The following WIPI1 variants were observed in gnomAD, a reference collection of about 807,000 sequenced individuals.
WIPI1 encodes the protein WD repeat domain phosphoinositide-interacting protein 1.
Under a neutral mutation model 55.3 loss-of-function variants are expected in WIPI1, and 45 were observed. The observed-to-expected ratio is 0.81, with a 90% confidence interval of 0.64 to 1.04. The LOEUF (loss-of-function observed/expected upper bound fraction) is 1.04, where lower values mean the gene tolerates loss of function less well. WIPI1 is among the 50% of genes least tolerant of loss of function. The probability of loss-of-function intolerance (pLI) is 0.00; values close to 1 mark genes in which losing one functional copy is unlikely to be tolerated. For missense variants in WIPI1, 445 were observed against 559.0 expected, an observed-to-expected ratio of 0.80 and a Z score of 2.06; for synonymous variants, 195 against 217.6, an observed-to-expected ratio of 0.90 and a Z score of 0.92.
At chr17:68,422,045 G>C (rs758512133) in intron 12 of WIPI1, 71 of 546,014 alleles carry the variant, frequency 1.3e-4, no homozygotes, top group African/African-American at 7.0e-4. Flanking sequence ...AAATGTCTCT[G>C]TGTGTGTGTG....
In WIPI1 at chr17:68,421,668, C is replaced by A. The variant is rs968669098; in HGVS notation, c.*105G>T. Reference sequence around the variant, plus strand: ...AGCAGTGGAGCACCCGGGATTCCTGCCCCCCTTTCTGCTCACACAATTGCA... The same window carrying A: ...AGCAGTGGAGCACCCGGGATTCCTGACCCCCTTTCTGCTCACACAATTGCA... On this transcript the variant is annotated 3_prime_UTR_variant, in exon 13 of 13. Coordinates refer to ENST00000262139, the MANE Select transcript of WIPI1 (RefSeq NM_017983.7). 6.6e-7 allele frequency: 1 copy of A among 1,513,050 alleles called. No homozygotes were observed. The allele number at this position is 1,513,050 out of a possible 1,614,324, so 93.7% of individuals were successfully genotyped here. A position where few individuals can be genotyped will look rare whatever the true frequency, so the allele number is the denominator to read the frequency against.
Position 68,454,333 on chromosome 17 carries a change from C to A in WIPI1, c.81-1341G>T, listed in dbSNP as rs73359927. Among the ~76,000 whole-genome samples, 1,261 of 152,306 alleles carry A rather than the reference C, an allele frequency of 8.3e-3. 20 individuals are homozygous for A. The highest frequency in any genetic ancestry group is 0.026 in the African/African-American group (1,101 of 41,556). ...ACAGGGAAGCATATACTAAAATAAG[C>A]AACTTACTATTACAAGCCTGGATGG... On this transcript the variant is annotated intron_variant, in intron 1 of 12. Transcript: ENST00000262139.
At chr17:68,453,480 T>G (rs1047858190) in intron 1 of WIPI1, among the ~76,000 whole-genome samples, 2 of 124,088 alleles carry the variant, frequency 1.6e-5, no homozygotes, top group Admixed American at 1.5e-4. Context: ...TTTCTTTTCC[T>G]TTTTTTTTTT....
In WIPI1 at chr17:68,452,909, C is replaced by G. The variant is rs1224964648; in HGVS notation, c.163+1G>C. The G allele has an allele frequency of 6.2e-7, 1 of 1,613,624 alleles. No homozygotes were observed. The highest frequency in any genetic ancestry group is 1.7e-5 in the Admixed American group (1 of 60,018). On this transcript the variant is annotated splice_donor_variant, in intron 2 of 12. Transcript: ENST00000262139. LOFTEE classifies it high-confidence loss of function. ...CTGAGGTCTCTCTCACACACACTTA[C>G]TGCTTCCGTGGACTTGATCCAGCTG...
chr17:68,441,658 T>G (rs549039985), intron 4 of WIPI1, among the ~76,000 whole-genome samples: 1 of 152,310 alleles, frequency 6.6e-6, no homozygotes, highest in African/African-American at 2.4e-5. Context: ...CAGAGAGGGC[T>G]GCGGAGTGAG....
chr17:68,427,927 T>C (rs752709361), intron 10 of WIPI1, among the ~76,000 whole-genome samples: 6 of 152,202 alleles, frequency 3.9e-5, no homozygotes, highest in Non-Finnish European at 8.8e-5. Flanking sequence ...TCTCACTCTG[T>C]TGCCCAGGCT....
At chr17:68,433,315 G>A (rs2083608446) in intron 8 of WIPI1, 153 bp downstream of exon 8, 2 of 716,520 alleles carry the variant, frequency 2.8e-6, no homozygotes, top group South Asian at 2.0e-5. Flanking sequence ...TGCCTCCAAA[G>A]TTTTGCTAAC....
intron 10 of WIPI1, 153 bp from the exon 11 acceptor site, chr17:68,427,406 G>T (rs765141620): frequency 5.4e-5 from 30 of 551,970 alleles, no homozygotes; most frequent in Non-Finnish European, 8.8e-5. Context: ...GCCCAGGCTG[G>T]AGTGCAGTGG....
In WIPI1 at chr17:68,423,658, G is replaced by A. The variant is rs1322075306; in HGVS notation, c.1294-1838C>T. ...AGAAGAAACAACTGGCTCATGCCCA[G>A]CTTCCTGGCACTGAATGGGCACACA... On this transcript the variant is annotated intron_variant, in intron 12 of 12. Coordinates refer to ENST00000262139, the MANE Select transcript of WIPI1 (RefSeq NM_017983.7). This position sits in a 1 kb window ranked among gnomAD's most constrained non-coding sequence, Gnocchi z 4.4. Among the ~76,000 whole-genome samples the A allele has an allele frequency of 1.3e-5, 2 of 152,150 alleles. No homozygotes were observed. Among genetic ancestry groups the A allele is most frequent in the Non-Finnish European group, 2.9e-5 (2 of 68,032 alleles).
intron 11 of WIPI1, 79 bp from the exon 12 acceptor site, chr17:68,426,254 G>GGGGGGGGGT: frequency 2.4e-6 from 2 of 816,920 alleles, no homozygotes; most frequent in Admixed American, 2.3e-5. Flanking sequence ...GGGAGCGGGG[G>GGGGGGGGGT]CTCAAATAAA....
At chr17:68,450,521 G>A (rs765957377) in intron 3 of WIPI1, among the ~76,000 whole-genome samples, 8 of 152,240 alleles carry the variant, frequency 5.3e-5, no homozygotes, top group African/African-American at 9.6e-5. Flanking sequence ...CTGGAAACAT[G>A]AGCCAGAGGT....
chr17:68,426,747 C>T (rs2083221206), intron 11 of WIPI1, among the ~76,000 whole-genome samples: 1 of 152,174 alleles, frequency 6.6e-6, no homozygotes, highest in Non-Finnish European at 1.5e-5. Context: ...GTTGGCTAGG[C>T]TGGTCTCAAA....
chr17:68,457,192 A>T (rs2084666591), intron 1 of WIPI1, 150 bp downstream of exon 1: 1 of 883,340 alleles, frequency 1.1e-6, no homozygotes, highest in Admixed American at 2.9e-5. Context: ...GGGTACGGGG[A>T]TAACAAGATC....
intron 1 of WIPI1, among the ~76,000 whole-genome samples, chr17:68,456,715 C>G (rs893100814): frequency 3.3e-5 from 5 of 152,178 alleles, no homozygotes; most frequent in Admixed American, 2.6e-4. Flanking sequence ...TCCTGCCTGG[C>G]TGGGTGGGCG....
chr17:68,453,666 A>T (rs554778310), intron 1 of WIPI1, among the ~76,000 whole-genome samples: 68 of 151,978 alleles, frequency 4.5e-4, no homozygotes, highest in Non-Finnish European at 8.4e-4. Flanking sequence ...TTTAGTAGAG[A>T]CAGGGTTTCA....
chr17:68,450,934 A>T lies in WIPI1; in HGVS notation c.164-37T>A, dbSNP rs1488293904. The T allele has an allele frequency of 3.2e-6, 5 of 1,586,628 alleles. No homozygotes were observed. The East Asian group carries it at 9.0e-5, about 28-fold the overall frequency. The stretch of plus-strand genomic sequence containing the variant: ...AGCAGCCGGGAGGTTACATGGATTG[A>T]TCACTTCCAAGAAGGATTCCAGCCT... On this transcript the variant is annotated intron_variant, in intron 2 of 12. Coordinates refer to ENST00000262139, the MANE Select transcript of WIPI1 (RefSeq NM_017983.7).
intron 3 of WIPI1, 125 bp from the exon 4 acceptor site, chr17:68,444,714 T>C (rs1329996767): frequency 2.8e-6 from 2 of 704,214 alleles, no homozygotes; most frequent in African/African-American, 3.6e-5. Flanking sequence ...ATTTTGATGA[T>C]GCATTTTGAA....
At chr17:68,456,850 G>A (rs1845965703) in intron 1 of WIPI1, among the ~76,000 whole-genome samples, 3 of 152,224 alleles carry the variant, frequency 2.0e-5, no homozygotes, top group African/African-American at 7.2e-5. Context: ...TTTGTCCGAG[G>A]CCCTGCCCAG....
chr17:68,434,480 C>T (rs1719220362), intron 7 of WIPI1, 76 bp downstream of exon 7: 4 of 1,515,950 alleles, frequency 2.6e-6, no homozygotes, highest in Admixed American at 1.8e-5. Flanking sequence ...TCTCTGTCCT[C>T]TCCCTAGACA....
Sources: gnomAD v4.1 joint callset for allele counts (sites outside exome capture counted in the v4.1 genomes callset) on GRCh38, gnomAD v4.1.1 for gene constraint, Gnocchi (gnomAD v3.1) non-coding constraint, MANE v1.5 for transcripts, NCBI Gene and HGNC (gene_info 2026-07-23, HGNC 2026-07-21) for gene names.